The following CHD1L variants were observed in gnomAD, a reference collection of about 807,000 sequenced individuals.
CHD1L encodes the protein chromodomain helicase DNA binding protein 1 like.
CHD1L carries 118 observed loss-of-function variants against 115.9 expected under a neutral mutation model. The observed-to-expected ratio is 1.02, with a 90% CI of 0.88 to 1.19. The LOEUF is 1.19. Among genes scored for constraint, CHD1L ranks in the 50% most tolerant of loss-of-function variants. The pLI, the probability that CHD1L is intolerant of heterozygous loss-of-function variation, is 0.00. For synonymous variants in CHD1L, 411 were observed against 387.1 expected, an observed-to-expected ratio of 1.06 and a Z score of -0.72; for missense variants, 1,179 against 1,065.3, an observed-to-expected ratio of 1.11 and a Z score of -1.49.
the CHD1L span, chr1:147,208,818 C>A: frequency 6.4e-7 from 1 of 1,570,166 alleles, no homozygotes. Context: ...TGTGCTTTGG[C>A]CACTATCCCT....
chr1:147,180,088 A>G, the CHD1L span, among the ~76,000 whole-genome samples: 3 of 151,964 alleles, frequency 2.0e-5, no homozygotes, highest in Admixed American at 2.0e-4. Flanking sequence ...ATATATAAGA[A>G]CTCTACTATT....
At chr1:147,206,087 C>A in the CHD1L span, among the ~76,000 whole-genome samples, 1 of 150,598 alleles carries the variant, frequency 6.6e-6, no homozygotes, top group African/African-American at 2.5e-5. Flanking sequence ...ACAAACAACC[C>A]CATCAAAAAG....
At chr1:147,245,451 G>A (rs587641925) in intron 1 of CHD1L, among the ~76,000 whole-genome samples, 61 of 152,264 alleles carry the variant, frequency 4.0e-4, no homozygotes, top group African/African-American at 1.4e-3. Context: ...CTTCCAGGTC[G>A]TGGAGGTAGA....
chr1:147,226,677 C>A, the CHD1L span, among the ~76,000 whole-genome samples: 15 of 152,110 alleles, frequency 9.9e-5, no homozygotes, highest in African/African-American at 3.6e-4. Flanking sequence ...TCTCCTTCTA[C>A]CACTCCCTGA....
the CHD1L span, chr1:147,208,955 A>G: frequency 1.2e-6 from 2 of 1,613,926 alleles, no homozygotes; most frequent in Admixed American, 3.3e-5. Flanking sequence ...TTCCATATAA[A>G]ATGTGTAAGT....
chr1:147,193,128 C>G, the CHD1L span, among the ~76,000 whole-genome samples: 1 of 152,114 alleles, frequency 6.6e-6, no homozygotes, highest in African/African-American at 2.4e-5. Flanking sequence ...GGCTGTGAAT[C>G]CATCTGGTCC....
chr1:147,191,328 C>T, the CHD1L span, among the ~76,000 whole-genome samples: 1 of 152,128 alleles, frequency 6.6e-6, no homozygotes, highest in Admixed American at 6.5e-5. Flanking sequence ...TATTTCTCCA[C>T]ATCCTCTCCA....
chr1:147,288,322 C>CATTAAAAAAAAA (rs1452486110), intron 19 of CHD1L, among the ~76,000 whole-genome samples: 5 of 87,906 alleles, frequency 5.7e-5, no homozygotes, highest in Non-Finnish European at 8.6e-5. Flanking sequence ...GACCCTGTTT[C>CATTAAAAAAAAA]AATAAAAAAA....
chr1:147,254,580 T>C (rs1480229339), intron 2 of CHD1L, among the ~76,000 whole-genome samples: 1 of 152,216 alleles, frequency 6.6e-6, no homozygotes, highest in Admixed American at 6.5e-5. Context: ...CTATTGTCTT[T>C]CCTGACTTTT....
rs781867282 is a variant in CHD1L, at chr1:147,280,697, CTTAA to C, written c.1705+509_1705+512del. Among the ~76,000 whole-genome samples the C allele has an allele frequency of 3.9e-5, 6 of 152,242 alleles. No individual in the cohort carries two copies. The South Asian group carries it at 1.0e-3, about 26-fold the overall frequency. Reference sequence around the variant, plus strand: ...ATGTAGGAGATGGTTTTGTCTTTCTCTTAATTTTCTTTCCTGAATTTGGTCAGCA... The same window carrying C: ...ATGTAGGAGATGGTTTTGTCTTTCTCTTTTCTTTCCTGAATTTGGTCAGCA... On this transcript the variant is annotated intron_variant, in intron 15 of 22. Coordinates refer to ENST00000369258, the MANE Select transcript of CHD1L (RefSeq NM_004284.6).
At chr1:147,220,413 A>G in the CHD1L span, among the ~76,000 whole-genome samples, 2 of 152,322 alleles carry the variant, frequency 1.3e-5, no homozygotes, top group East Asian at 3.9e-4. Context: ...TCAACATCCC[A>G]GCAAGCTATT....
At chr1:147,178,123 C>T in the CHD1L span, 2 of 1,591,118 alleles carry the variant, frequency 1.3e-6, no homozygotes, top group Non-Finnish European at 1.7e-6. Context: ...CATGTGCCTC[C>T]GCCGCCCAGC....
At chr1:147,261,889 C>T (rs587616348) in intron 6 of CHD1L, among the ~76,000 whole-genome samples, 2 of 150,482 alleles carry the variant, frequency 1.3e-5, no homozygotes, top group African/African-American at 4.9e-5. Flanking sequence ...ATATTGTTTT[C>T]AGTTTATAAA....
At chr1:147,250,847 C>T (rs1232360490) in intron 1 of CHD1L, among the ~76,000 whole-genome samples, 22 of 152,164 alleles carry the variant, frequency 1.4e-4, no homozygotes. Flanking sequence ...AACCACATCT[C>T]ACCCTGAATT....
At chr1:147,279,769 CA>C (rs782502592) in intron 14 of CHD1L, among the ~76,000 whole-genome samples, 4 of 152,098 alleles carry the variant, frequency 2.6e-5, no homozygotes, top group East Asian at 1.9e-4. Context: ...GAGGCTTATA[CA>C]TTTTTTTTGT....
chr1:147,279,899 C>T lies in CHD1L; in HGVS notation c.1540-127C>T, dbSNP rs587743825. ...CTGTTACTATCTATGATGGGGAGAG[C>T]AGAAAGGCTGCCTGTTCATTAGAGA... On this transcript the variant is annotated intron_variant, in intron 14 of 22. Transcript: ENST00000369258. The T allele has an allele frequency of 1.2e-4, 102 of 881,414 alleles. 2 individuals carry two copies. In the South Asian group the frequency reaches 1.4e-3, roughly 12 times the overall value. The allele number at this position is 881,414 out of a possible 1,614,324, so 54.6% of individuals were successfully genotyped here. A position where few individuals can be genotyped will look rare whatever the true frequency, so the allele number is the denominator to read the frequency against.
intron 6 of CHD1L, chr1:147,260,203 G>A (rs1340289923): frequency 1.2e-5 from 3 of 259,686 alleles, no homozygotes; most frequent in African/African-American, 2.2e-5. Context: ...TTCACTCTTG[G>A]TGGTGTGCAT....
chr1:147,286,584 G>A, intron 18 of CHD1L, 84 bp downstream of exon 18: 1 of 1,231,652 alleles, frequency 8.1e-7, no homozygotes, highest in Non-Finnish European at 1.2e-6. Context: ...CTGGGACTGG[G>A]GTGGTGGTCC....
At chr1:147,186,231 G>A in the CHD1L span, 1 of 727,130 alleles carries the variant, frequency 1.4e-6, no homozygotes, top group Non-Finnish European at 1.7e-6. Context: ...GCAGATGGTA[G>A]ATGATCTGAA....
Sources: gnomAD v4.1 joint callset for allele counts (sites outside exome capture counted in the v4.1 genomes callset) on GRCh38, gnomAD v4.1.1 for gene constraint, MANE v1.5 for transcripts, NCBI Gene and HGNC (gene_info 2026-07-23, HGNC 2026-07-21) for gene names.